LRBA: variants seen among roughly 807,000 people sequenced by gnomAD.
LRBA encodes LPS responsive beige-like anchor protein, also known as lipopolysaccharide-responsive and beige-like anchor protein.
A neutral mutation model predicts 330.0 loss-of-function variants in LRBA; 176 were observed. The observed-to-expected ratio is 0.53, with a 90% CI of 0.47 to 0.60. LRBA has a LOEUF of 0.60. Ranked by LOEUF, LRBA falls within the 20% of genes least tolerant of loss-of-function variation. LRBA has a pLI of 0.00. For missense variants in LRBA, 3,259 were observed against 3,444.8 expected (o/e 0.95, Z 1.35); for synonymous variants, 1,230 against 1,193.0 (o/e 1.03, Z -0.64).
At chr4:150,844,846 A>T in intron 26 of LRBA, 67 bp from the exon 27 acceptor site, 3 of 1,203,098 alleles carry the variant, frequency 2.5e-6, no homozygotes, top group Non-Finnish European at 3.6e-6. Flanking sequence ...GAAGTGAAAA[A>T]CATCAACTAC....
At chr4:150,687,288 T>C (rs1783708054) in intron 36 of LRBA, among the ~76,000 whole-genome samples, 1 of 152,098 alleles carries the variant, frequency 6.6e-6, no homozygotes, top group South Asian at 2.1e-4. Flanking sequence ...CAAATACATA[T>C]TATTTATTTG....
rs1579508366 is a variant in LRBA at position 151,014,452 on chromosome 4, T to C, written c.191A>G (p.Asp64Gly). ...CAGGTTAAAGACAGTTTCTACAATATCCCTATTGGATACTTCTCCAACTTC... is the reference window on the plus strand; with the variant it reads ...CAGGTTAAAGACAGTTTCTACAATACCCCTATTGGATACTTCTCCAACTTC... Reference protein sequence around the residue: ...LVEVGEVSNRDIVETVFNLLV... With the variant: ...LVEVGEVSNRGIVETVFNLLV... Residue 64 changes from aspartate (D) to glycine (G), a missense_variant, in exon 2 of 57, where the codon GAT becomes GGT. By Grantham distance (94) the Asp-to-Gly change is moderately conservative. Coordinates refer to ENST00000651943, the MANE Select transcript of LRBA (RefSeq NM_001364905.1). 8.1e-6 allele frequency: 13 copies of C among 1,614,108 alleles called. No individual in the cohort carries two copies. Among genetic ancestry groups the C allele is most frequent in the Non-Finnish European group, 1.1e-5 (13 of 1,179,956 alleles).
intron 36 of LRBA, among the ~76,000 whole-genome samples, chr4:150,730,143 A>G (rs1464703161): frequency 6.6e-6 from 1 of 152,224 alleles, no homozygotes; most frequent in Admixed American, 6.5e-5. Flanking sequence ...AAATGAATAA[A>G]TGGGATGATA....
intron 2 of LRBA, among the ~76,000 whole-genome samples, chr4:150,998,429 C>T (rs2149644374): frequency 6.6e-6 from 1 of 152,106 alleles, no homozygotes; most frequent in African/African-American, 2.4e-5. Flanking sequence ...TCATAGTTCG[C>T]TACAGTCTCA....
chr4:150,595,341 A>T (rs1403272060), intron 38 of LRBA, among the ~76,000 whole-genome samples: 1 of 151,954 alleles, frequency 6.6e-6, no homozygotes, highest in Admixed American at 6.6e-5. Flanking sequence ...TGTTGATCCT[A>T]AAAAGGAAGC....
rs1561250553 is a variant in LRBA at position 150,489,287 on chromosome 4, A to ATATATATTATATATAC, written c.6449-1454_6449-1453insGTATATATAATATATA. 3.7e-4 allele frequency among the ~76,000 whole-genome samples: 21 copies of ATATATATTATATATAC among 57,164 alleles called. 3 individuals carry two copies. Among genetic ancestry groups the ATATATATTATATATAC allele is most frequent in the South Asian group, 6.5e-4 (1 of 1,544 alleles). The allele number at this position is 57,164 out of a possible 152,430, so 37.5% of individuals were successfully genotyped here. On this transcript the variant is annotated intron_variant, in intron 41 of 56. Transcript: ENST00000651943. ...AAGAATATATAATATATTATATATA[A>ATATATATTATATATAC]GAATATATAATATATTATATATAAG...
At chr4:150,312,936 T>A (rs2126888865) in intron 51 of LRBA, among the ~76,000 whole-genome samples, 1 of 152,058 alleles carries the variant, frequency 6.6e-6, no homozygotes, top group South Asian at 2.1e-4. Flanking sequence ...TTTTAATAAA[T>A]GTTCATTTTA....
At chr4:150,707,937 A>C (rs1785794680) in intron 36 of LRBA, among the ~76,000 whole-genome samples, 1 of 151,842 alleles carries the variant, frequency 6.6e-6, no homozygotes, top group Admixed American at 6.6e-5. Context: ...TTGCTAAAGA[A>C]AACCAGACAT....
intron 40 of LRBA, among the ~76,000 whole-genome samples, chr4:150,559,921 A>G (rs12641960): frequency 7.1e-5 from 5 of 70,080 alleles, no homozygotes; most frequent in East Asian, 7.4e-4. Context: ...ATAATATATA[A>G]ATATAAATAT....
chr4:150,540,534 A>T (rs1419006250), intron 40 of LRBA, among the ~76,000 whole-genome samples: 1 of 152,214 alleles, frequency 6.6e-6, no homozygotes, highest in Admixed American at 6.5e-5. Flanking sequence ...ATTTTAAGGC[A>T]TGCTATTGTT....
In LRBA at chr4:150,460,319, G is replaced by GAA. The variant is rs5862920; in HGVS notation, c.6780+7352_6780+7353dup. Reference sequence around the variant, plus strand: ...AATGGTAGGAGATACATGAAGGAGAGAAAAAAAAATCACTTACTTTTCCTG... The same window carrying GAA: ...AATGGTAGGAGATACATGAAGGAGAGAAAAAAAAAAATCACTTACTTTTCCTG... On this transcript the variant is annotated intron_variant, in intron 44 of 56. Coordinates refer to ENST00000651943, the MANE Select transcript of LRBA (RefSeq NM_001364905.1). 5.3e-5 allele frequency among the ~76,000 whole-genome samples: 8 copies of GAA among 150,516 alleles called. No homozygotes were observed. The South Asian group carries it at 1.0e-3, about 20-fold the overall frequency.
At chr4:150,597,717 AC>A (rs1262955896) in intron 38 of LRBA, among the ~76,000 whole-genome samples, 3 of 151,948 alleles carry the variant, frequency 2.0e-5, no homozygotes, top group Admixed American at 6.6e-5. Flanking sequence ...ATCCAAAAAA[AC>A]ACACAAAAAA....
At chr4:150,942,377 T>C (rs1281970576) in intron 2 of LRBA, among the ~76,000 whole-genome samples, 1 of 152,204 alleles carries the variant, frequency 6.6e-6, no homozygotes, top group Non-Finnish European at 1.5e-5. Flanking sequence ...TTCTCTACAA[T>C]TGCCTTTCCT....
chr4:150,422,602 G>T, intron 46 of LRBA: 1 of 562,790 alleles, frequency 1.8e-6, no homozygotes, highest in Non-Finnish European at 3.2e-6. Flanking sequence ...TAGACATCAG[G>T]TTCCCCAAGG....
intron 47 of LRBA, among the ~76,000 whole-genome samples, chr4:150,414,304 CAAT>C (rs1288989390): frequency 2.0e-5 from 3 of 151,730 alleles, no homozygotes; most frequent in Non-Finnish European, 2.9e-5. Flanking sequence ...TGCAAAATTT[CAAT>C]AATAATGAGA....
At chr4:150,991,723 T>C (rs376143848) in intron 2 of LRBA, among the ~76,000 whole-genome samples, 2 of 152,172 alleles carry the variant, frequency 1.3e-5, no homozygotes, top group African/African-American at 4.8e-5. Context: ...AAATATCTCA[T>C]ATACCAAATG....
At chr4:150,597,653 CA>C (rs887735736) in intron 38 of LRBA, among the ~76,000 whole-genome samples, 1 of 150,562 alleles carries the variant, frequency 6.6e-6, no homozygotes, top group Admixed American at 6.6e-5. Context: ...TTAAAAATTG[CA>C]AAAAAAGTTC....
intron 40 of LRBA, among the ~76,000 whole-genome samples, chr4:150,510,096 C>T (rs568456516): frequency 2.0e-5 from 3 of 152,146 alleles, no homozygotes; most frequent in Admixed American, 1.3e-4. Context: ...GCCGAGATCA[C>T]GCCACTGCCC....
chr4:150,949,505 G>C (rs775139799), intron 2 of LRBA, among the ~76,000 whole-genome samples: 2 of 152,010 alleles, frequency 1.3e-5, no homozygotes, highest in Non-Finnish European at 2.9e-5. Flanking sequence ...TATTGTTCTA[G>C]TTTTGCAAGA....
Sources: gnomAD v4.1 joint callset for allele counts (sites outside exome capture counted in the v4.1 genomes callset) on GRCh38, gnomAD v4.1.1 for gene constraint, MANE v1.5 for transcripts, NCBI Gene and HGNC (gene_info 2026-07-23, HGNC 2026-07-21) for gene names.